Variants in CSMD1 observed in about 807,000 individuals in gnomAD.
The protein encoded by CSMD1 is CUB and sushi domain-containing protein 1.
In CSMD1, 213 loss-of-function variants were observed where a neutral mutation model predicts 417.5. That is an observed-to-expected ratio of 0.51 (90% CI 0.46 to 0.57). CSMD1 has a LOEUF of 0.57. Among genes scored for constraint, CSMD1 ranks in the 20% least tolerant of loss-of-function variants. CSMD1 has a pLI of 0.00. For missense variants in CSMD1, 6,923 were observed against 4,529.7 expected (o/e 1.53, Z -15.17); for synonymous variants, 2,862 against 1,736.8 (o/e 1.65, Z -16.11).
chr8:4,775,312 G>C (rs934129453), intron 1 of CSMD1, among the ~76,000 whole-genome samples: 7 of 152,132 alleles, frequency 4.6e-5, no homozygotes, highest in Admixed American at 1.3e-4. Context: ...GAGGAATCAA[G>C]GTGATATGTA....
At chr8:4,677,788 T>C (rs1805788046) in intron 1 of CSMD1, among the ~76,000 whole-genome samples, 1 of 152,004 alleles carries the variant, frequency 6.6e-6, no homozygotes. Flanking sequence ...AAACAGAAGG[T>C]AATGTAAAAA....
chr8:3,293,103 T>A lies in CSMD1; in HGVS notation c.3951-8757A>T, dbSNP rs192058655. Among the ~76,000 whole-genome samples, 307 of 151,874 alleles carry A rather than the reference T, an allele frequency of 2.0e-3. 2 individuals are homozygous for A. Among genetic ancestry groups the A allele is most frequent in the African/African-American group, 6.8e-3 (283 of 41,526 alleles). The stretch of plus-strand genomic sequence containing the variant: ...ACTTATGAAGCTTAGTTTGGCTGGA[T>A]ATGAAATTCTGGGTTGAAAATTCTT... On this transcript the variant is annotated intron_variant, in intron 25 of 69. Transcript: ENST00000635120.
At chr8:3,150,826 G>C (rs1355326173) in intron 40 of CSMD1, among the ~76,000 whole-genome samples, 5 of 151,924 alleles carry the variant, frequency 3.3e-5, no homozygotes. Context: ...AGAGAGGCCA[G>C]AAAAAGGTTC....
chr8:2,941,706 C>G (rs1015021199), intron 69 of CSMD1, among the ~76,000 whole-genome samples: 3 of 152,162 alleles, frequency 2.0e-5, no homozygotes, highest in Non-Finnish European at 4.4e-5. Context: ...ATTCAGAACA[C>G]TTTTTCAAGA....
chr8:3,729,026 C>A (rs933026479), intron 6 of CSMD1, among the ~76,000 whole-genome samples: 4 of 152,152 alleles, frequency 2.6e-5, no homozygotes, highest in African/African-American at 9.7e-5. Context: ...CCCGCCAAAC[C>A]GACCAGCAAA....
chr8:3,491,045 T>C (rs1818344209), intron 11 of CSMD1, among the ~76,000 whole-genome samples: 1 of 152,134 alleles, frequency 6.6e-6, no homozygotes, highest in African/African-American at 2.4e-5. Context: ...AATTCCTCAA[T>C]GGAAATGTTC....
At chr8:3,381,820 G>A (rs1485111940) in intron 18 of CSMD1, among the ~76,000 whole-genome samples, 11 of 152,118 alleles carry the variant, frequency 7.2e-5, no homozygotes, top group African/African-American at 1.4e-4. Flanking sequence ...CTGAAGAGGC[G>A]AGCATGAGAG....
intron 3 of CSMD1, among the ~76,000 whole-genome samples, chr8:4,118,088 T>C (rs1045854743): frequency 1.3e-5 from 2 of 151,882 alleles, no homozygotes; most frequent in Admixed American, 1.3e-4. Flanking sequence ...ATTAGACAAA[T>C]TATAAGGCTT....
At chr8:4,379,526 G>T (rs767015258) in intron 3 of CSMD1, among the ~76,000 whole-genome samples, 4 of 152,186 alleles carry the variant, frequency 2.6e-5, no homozygotes, top group Non-Finnish European at 5.9e-5. Flanking sequence ...AGTGGGTGAA[G>T]TATATATAGG....
At chr8:4,213,348 G>A (rs1056478242) in intron 3 of CSMD1, among the ~76,000 whole-genome samples, 2 of 151,982 alleles carry the variant, frequency 1.3e-5, no homozygotes, top group Non-Finnish European at 2.9e-5. Context: ...GTTTCTCAAG[G>A]GCCGTGCACA....
At chr8:3,428,511 A>G (rs1032167066) in intron 12 of CSMD1, among the ~76,000 whole-genome samples, 5 of 151,968 alleles carry the variant, frequency 3.3e-5, no homozygotes, top group South Asian at 2.1e-4. Flanking sequence ...AATGATGGGG[A>G]AAAAAAAGAC....
At chr8:3,252,895 G>T (rs1406476179) in intron 26 of CSMD1, among the ~76,000 whole-genome samples, 4 of 152,082 alleles carry the variant, frequency 2.6e-5, no homozygotes, top group Admixed American at 6.6e-5. Flanking sequence ...ATTTCTGTGG[G>T]ATCGGTGGTG....
rs531386173 is a variant in CSMD1 at position 3,788,314 on chromosome 8, T to A, written c.819-34272A>T. On this transcript the variant is annotated intron_variant, in intron 5 of 69. Coordinates refer to ENST00000635120, the MANE Select transcript of CSMD1 (RefSeq NM_033225.6). ...CATAGCATTTTAGTAAAATGCATAA[T>A]AAATTAAGGGATGGGCTTTAGGTAC... Among the ~76,000 whole-genome samples, 4 of 152,276 alleles carry A rather than the reference T, an allele frequency of 2.6e-5. No homozygotes were observed. The South Asian group carries it at 8.3e-4, about 32-fold the overall frequency.
At chr8:3,385,450 T>G (rs527523625) in intron 18 of CSMD1, among the ~76,000 whole-genome samples, 106 of 151,970 alleles carry the variant, frequency 7.0e-4, no homozygotes, top group Non-Finnish European at 1.2e-3. Flanking sequence ...CTGAACTGAT[T>G]GTTGCTAAAA....
At chr8:4,847,216 T>C (rs546930271) in intron 1 of CSMD1, among the ~76,000 whole-genome samples, 1 of 152,218 alleles carries the variant, frequency 6.6e-6, no homozygotes, top group Non-Finnish European at 1.5e-5. Context: ...ATGAAATTAA[T>C]TAATGCTTAA....
In CSMD1 at chr8:4,198,718, T is replaced by C. The variant is rs559899956; in HGVS notation, c.416-166619A>G. Among the ~76,000 whole-genome samples, 6 of 152,304 alleles carry C rather than the reference T, an allele frequency of 3.9e-5. No individual in the cohort carries two copies. In the South Asian group the frequency reaches 1.0e-3, roughly 26 times the overall value. On this transcript the variant is annotated intron_variant, in intron 3 of 69. Coordinates refer to ENST00000635120, the MANE Select transcript of CSMD1 (RefSeq NM_033225.6). ...TACATGGATACTAAGTGTATTTTAA[T>C]ATAATTGGTTTTCTTTGTAATCTAT...
chr8:4,260,429 G>C (rs915525848), intron 3 of CSMD1, among the ~76,000 whole-genome samples: 5 of 152,030 alleles, frequency 3.3e-5, no homozygotes, highest in African/African-American at 1.2e-4. Context: ...TAATATACTA[G>C]TATGTACTTT....
intron 5 of CSMD1, among the ~76,000 whole-genome samples, chr8:3,770,632 G>A (rs1798516110): frequency 1.3e-5 from 2 of 152,310 alleles, no homozygotes; most frequent in Admixed American, 1.3e-4. Flanking sequence ...GGGTCTGAAA[G>A]GAAAATTGTT....
chr8:3,473,868 C>G (rs990484100), intron 11 of CSMD1, among the ~76,000 whole-genome samples: 7 of 152,032 alleles, frequency 4.6e-5, no homozygotes, highest in African/African-American at 1.7e-4. Context: ...TGGGAGGCCT[C>G]AGGAAACTTA....
Sources: allele counts gnomAD v4.1 joint callset (sites outside exome capture counted in the v4.1 genomes callset), GRCh38; gene constraint gnomAD v4.1.1; transcripts MANE v1.5; gene names NCBI Gene and HGNC (gene_info 2026-07-23, HGNC 2026-07-21).